GRID2: variants seen among roughly 807,000 people sequenced by gnomAD.
GRID2 encodes the protein glutamate receptor ionotropic, delta-2.
GRID2 carries 33 observed loss-of-function variants against 114.8 expected under a neutral mutation model. The observed-to-expected ratio is 0.29, with a 90% CI of 0.22 to 0.38. The LOEUF is 0.38. Ranked by LOEUF, GRID2 falls within the 10% of genes least tolerant of loss-of-function variation. The pLI, the probability that GRID2 is intolerant of heterozygous loss-of-function variation, is 1.00. For missense variants in GRID2, 1,184 were observed against 1,257.7 expected, an observed-to-expected ratio of 0.94 and a Z score of 0.89; for synonymous variants, 505 against 449.9, an observed-to-expected ratio of 1.12 and a Z score of -1.55.
chr4:92,639,814 C>A (rs1731257357), intron 2 of GRID2, among the ~76,000 whole-genome samples: 1 of 151,624 alleles, frequency 6.6e-6, no homozygotes, highest in African/African-American at 2.4e-5. Context: ...ATCACTCTAA[C>A]AAAATATGAA....
intron 4 of GRID2, among the ~76,000 whole-genome samples, chr4:93,154,668 T>G (rs1172071742): frequency 1.3e-5 from 2 of 151,832 alleles, no homozygotes; most frequent in Non-Finnish European, 2.9e-5. Flanking sequence ...GGGGGTGTGG[T>G]TAATAGGCAT....
At chr4:93,107,702 C>T in intron 3 of GRID2, among the ~76,000 whole-genome samples, 1 of 152,066 alleles carries the variant, frequency 6.6e-6, no homozygotes, top group East Asian at 1.9e-4. Flanking sequence ...CCATGTTGGC[C>T]AGGCTGGTCT....
chr4:92,620,159 T>G (rs550371053), intron 2 of GRID2, among the ~76,000 whole-genome samples: 1 of 151,828 alleles, frequency 6.6e-6, no homozygotes, highest in African/African-American at 2.4e-5. Context: ...GTAAAAGATT[T>G]TGAATGTGAA....
intron 13 of GRID2, among the ~76,000 whole-genome samples, chr4:93,519,505 AC>A (rs1405588257): frequency 6.6e-6 from 1 of 152,182 alleles, no homozygotes; most frequent in Non-Finnish European, 1.5e-5. Flanking sequence ...AGTTGTAGAA[AC>A]TTCCAGGTGG....
At chr4:92,392,760 C>T (rs1730307955) in intron 1 of GRID2, among the ~76,000 whole-genome samples, 2 of 152,086 alleles carry the variant, frequency 1.3e-5, no homozygotes, top group Admixed American at 1.3e-4. Context: ...TAATATCATT[C>T]ATACCTAAAG....
intron 1 of GRID2, among the ~76,000 whole-genome samples, chr4:92,370,189 A>T (rs1729054456): frequency 6.6e-6 from 1 of 152,120 alleles, no homozygotes; most frequent in Admixed American, 6.6e-5. Context: ...GTGATCAGTG[A>T]TCTGTGATGT....
chr4:93,498,862 G>A (rs1252768618), intron 12 of GRID2, among the ~76,000 whole-genome samples: 1 of 151,830 alleles, frequency 6.6e-6, no homozygotes, highest in Non-Finnish European at 1.5e-5. Context: ...TCCTGATCTT[G>A]CTGGAAAAGC....
intron 4 of GRID2, among the ~76,000 whole-genome samples, chr4:93,152,302 G>C (rs1365975088): frequency 1.3e-5 from 2 of 152,018 alleles, no homozygotes; most frequent in Admixed American, 1.3e-4. Flanking sequence ...TTGTGAACTA[G>C]AAAGTAAACA....
At chr4:93,222,275 G>A (rs1461814107) in intron 6 of GRID2, among the ~76,000 whole-genome samples, 1 of 151,998 alleles carries the variant, frequency 6.6e-6, no homozygotes, top group East Asian at 1.9e-4. Flanking sequence ...CGTATGCACT[G>A]TGTGTTCCGG....
chr4:93,016,820 A>G (rs1305472593), intron 2 of GRID2, among the ~76,000 whole-genome samples: 2 of 152,216 alleles, frequency 1.3e-5, no homozygotes, highest in Non-Finnish European at 2.9e-5. Flanking sequence ...CAACTACTTT[A>G]GTCATTTTGA....
intron 1 of GRID2, among the ~76,000 whole-genome samples, chr4:93,780,117 T>C (rs577199644): frequency 2.1e-4 from 32 of 152,098 alleles, no homozygotes; most frequent in African/African-American, 6.5e-4. Context: ...AGGTGGTAAG[T>C]GCTGTGGAGG....
At chr4:92,970,312 G>A (rs149454943) in intron 2 of GRID2, among the ~76,000 whole-genome samples, 1 of 151,912 alleles carries the variant, frequency 6.6e-6, no homozygotes, top group Non-Finnish European at 1.5e-5. Flanking sequence ...TCTTTATTCA[G>A]TCTCTTCAAT....
intron 2 of GRID2, among the ~76,000 whole-genome samples, chr4:93,054,588 T>A (rs2149285042): frequency 6.6e-6 from 1 of 152,046 alleles, no homozygotes; most frequent in East Asian, 1.9e-4. Flanking sequence ...AAATCTCAGA[T>A]TCAAATAAGT....
intron 2 of GRID2, among the ~76,000 whole-genome samples, chr4:92,639,480 G>C (rs1408678677): frequency 6.6e-6 from 1 of 151,746 alleles, no homozygotes; most frequent in Non-Finnish European, 1.5e-5. Context: ...ATAAACGTTA[G>C]ACTTAAAAAG....
At chr4:92,432,956 G>T (rs922882496) in intron 1 of GRID2, among the ~76,000 whole-genome samples, 1 of 152,114 alleles carries the variant, frequency 6.6e-6, no homozygotes, top group South Asian at 2.1e-4. Flanking sequence ...TCTTTATTCA[G>T]CTGGTGATGA....
intron 14 of GRID2, among the ~76,000 whole-genome samples, chr4:93,741,924 CAAAAA>C (rs34316739): frequency 1.9e-5 from 2 of 106,450 alleles, no homozygotes; most frequent in South Asian, 6.3e-4. Flanking sequence ...GACTCTGTCT[CAAAAA>C]AAAAAAAAAA....
intron 14 of GRID2, among the ~76,000 whole-genome samples, chr4:93,650,791 G>T (rs1345211569): frequency 1.3e-5 from 2 of 151,920 alleles, no homozygotes; most frequent in Non-Finnish European, 2.9e-5. Context: ...TCAAAGAAAA[G>T]CTTTAAAAAA....
At chr4:93,673,155 G>A (rs940258383) in intron 14 of GRID2, among the ~76,000 whole-genome samples, 1 of 152,034 alleles carries the variant, frequency 6.6e-6, no homozygotes, top group Non-Finnish European at 1.5e-5. Flanking sequence ...AATTATCTAG[G>A]TTATTACAGT....
At chr4:92,716,098 T>C (rs1560549659) in intron 2 of GRID2, among the ~76,000 whole-genome samples, 1 of 152,192 alleles carries the variant, frequency 6.6e-6, no homozygotes, top group Non-Finnish European at 1.5e-5. Context: ...TTAGCAAGGA[T>C]GAGTAGGTCA....
Sources: allele counts gnomAD v4.1 joint callset (sites outside exome capture counted in the v4.1 genomes callset), GRCh38; gene constraint gnomAD v4.1.1; transcripts MANE v1.5; gene names NCBI Gene and HGNC (gene_info 2026-07-23, HGNC 2026-07-21).